PHF3: variants seen among roughly 807,000 people sequenced by gnomAD.
The protein encoded by PHF3 is PHD finger protein 3.
In PHF3, 41 loss-of-function variants were observed where a neutral mutation model predicts 178.4. That is an observed-to-expected ratio of 0.23 (90% CI 0.18 to 0.30). PHF3 has a LOEUF of 0.30. Ranked by LOEUF, PHF3 falls within the 10% of genes least tolerant of loss-of-function variation. PHF3 has a pLI of 1.00. For synonymous variants in PHF3, 842 were observed against 800.5 expected, an observed-to-expected ratio of 1.05 and a Z score of -0.88; for missense variants, 2,346 against 2,398.1, an observed-to-expected ratio of 0.98 and a Z score of 0.45.
rs566496398 is a variant in PHF3 at position 63,636,075 on chromosome 6, C to G, written c.-101C>G. 1 of 393,074 alleles carries G rather than the reference C, an allele frequency of 2.5e-6. No individual in the cohort carries two copies. Among genetic ancestry groups the G allele is most frequent in the African/African-American group, 2.1e-5 (1 of 48,474 alleles). 24.3% of individuals were successfully genotyped at this position (393,074 alleles called of 1,614,324 possible). ...TCCGCGGCACCCACCGGGCCCCCTC[C>G]TCCTCCTCTTCGGCGGCGGCAGCGT... On this transcript the variant is annotated 5_prime_UTR_variant, in exon 1 of 16. Coordinates refer to ENST00000262043, the MANE Select transcript of PHF3 (RefSeq NM_001370348.2).
intron 13 of PHF3, 119 bp downstream of exon 13, chr6:63,706,995 A>G (rs1241151210): frequency 1.6e-5 from 13 of 831,024 alleles, no homozygotes; most frequent in Non-Finnish European, 2.5e-5. Context: ...TGATTTTTAA[A>G]CAGTCCAAGT....
rs766099563 is a variant in PHF3, at chr6:63,706,048, A to G, written c.3387A>G (p.Val1129=). The change falls in exon 12 of 16, where the codon GTA becomes GTG. Residue 1129 remains valine, a synonymous_variant. Coordinates refer to ENST00000262043, the MANE Select transcript of PHF3 (RefSeq NM_001370348.2). ...KICIGRMAPP[V]DDLSPKKVKV... is the part of the protein sequence containing the mutation. ...GCTTAGGTCGAATGGCACCACCTGT[A>G]GATGATCTTTCTCCAAAAAAAGTAA... 2.5e-6 allele frequency: 4 copies of G among 1,613,054 alleles called. No homozygotes were observed. The highest frequency in any genetic ancestry group is 3.4e-6 in the Non-Finnish European group (4 of 1,179,734).
At position 63,711,199 on chromosome 6, in the gene PHF3, TGAA is replaced by T. The variant is rs1008343193; in HGVS notation, c.3840_3842del (p.Glu1280del). ...GTGTGGTTCGCTTCACACCAGTAAC[TGAA>T]GAAGATCAAATTTCTTATACTTTGC... On this transcript the variant is annotated inframe_deletion, in exon 15 of 16. Transcript: ENST00000262043. 1.2e-6 allele frequency: 2 copies of T among 1,608,668 alleles called. No individual in the cohort carries two copies. Among genetic ancestry groups the T allele is most frequent in the East Asian group, 2.2e-5 (1 of 44,802 alleles).
At chr6:63,711,126 G>C (rs762589204) in intron 14 of PHF3, 41 bp from the exon 15 acceptor site, 80 of 1,433,438 alleles carry the variant, frequency 5.6e-5, no homozygotes, top group Admixed American at 2.9e-4. Flanking sequence ...CTACTCTTTA[G>C]CTTATTACCT....
At chr6:63,690,574 T>G (rs996121044) in intron 4 of PHF3, among the ~76,000 whole-genome samples, 3 of 152,146 alleles carry the variant, frequency 2.0e-5, no homozygotes, top group Non-Finnish European at 4.4e-5. Context: ...TCCTCTCTCT[T>G]GGATTACAGC....
chr6:63,647,200 G>T (rs79672770), intron 2 of PHF3, among the ~76,000 whole-genome samples: 35 of 152,098 alleles, frequency 2.3e-4, no homozygotes, highest in African/African-American at 7.7e-4. Context: ...GGAGTCGGGG[G>T]ATGGCTGAAT....
intron 2 of PHF3, among the ~76,000 whole-genome samples, chr6:63,666,742 C>G (rs1304713987): frequency 3.3e-5 from 5 of 151,288 alleles, no homozygotes; most frequent in Admixed American, 6.6e-5. Flanking sequence ...ATACAGACAT[C>G]ATTGTCCCCC....
chr6:63,675,493 T>A (rs1766125436), intron 2 of PHF3, among the ~76,000 whole-genome samples: 1 of 152,152 alleles, frequency 6.6e-6, no homozygotes, highest in Non-Finnish European at 1.5e-5. Flanking sequence ...CTGGAGGTGC[T>A]TCTGTTGTTG....
Position 63,723,878 on chromosome 6 carries a change from A to C in PHF3, c.*10170A>C, listed in dbSNP as rs1050936736. On this transcript the variant is annotated 3_prime_UTR_variant, in exon 16 of 16. Transcript: ENST00000262043. ...GCTCTGTCCCCCAAGCTGGAGTGCA[A>C]TGGTGCAATCTCGGCTCACTGCAAC... 6.0e-5 allele frequency among the ~76,000 whole-genome samples: 9 copies of C among 151,004 alleles called. No individual in the cohort carries two copies. The South Asian group carries it at 8.4e-4, about 14-fold the overall frequency.
intron 3 of PHF3, among the ~76,000 whole-genome samples, chr6:63,681,836 T>G (rs558524119): frequency 3.3e-5 from 5 of 152,228 alleles, no homozygotes; most frequent in African/African-American, 1.2e-4. Context: ...TGTTTAAGGG[T>G]AGGGAACTAA....
At position 63,703,527 on chromosome 6, in the gene PHF3, T is replaced by G. The variant is rs1412962267; in HGVS notation, c.3232-9T>G. The G allele has an allele frequency of 1.3e-6, 2 of 1,597,992 alleles. No individual in the cohort carries two copies. On this transcript the variant is annotated splice_polypyrimidine_tract_variant and intron_variant, in intron 10 of 15. Transcript: ENST00000262043. ...AGCTAAAACTAATTTTTACTTTGACTTACGTTAGGAACCAGCCGCCAATAA... is the reference window on the plus strand; with the variant it reads ...AGCTAAAACTAATTTTTACTTTGACGTACGTTAGGAACCAGCCGCCAATAA...
In PHF3 at chr6:63,713,495, A is replaced by G. The variant is rs1400351365; in HGVS notation, c.5907A>G (p.Lys1969=). 3.7e-6 allele frequency: 6 copies of G among 1,613,720 alleles called. No homozygotes were observed. Among genetic ancestry groups the G allele is most frequent in the East Asian group, 2.2e-5 (1 of 44,810 alleles). The part of the protein sequence containing the change: ...RKSREEGHKD[K]ERARLSHGDR... ...GCAGGGAGGAAGGGCACAAAGATAA[A>G]GAGAGGGCACGGTTATCACATGGTG... Residue 1969 remains lysine, a synonymous_variant, in exon 16 of 16, where the codon AAA becomes AAG. Transcript: ENST00000262043.
chr6:63,714,579 A>G lies in PHF3; in HGVS notation c.*871A>G, dbSNP rs1257784477. On this transcript the variant is annotated 3_prime_UTR_variant, in exon 16 of 16. Transcript: ENST00000262043. ...ATAGAAATAGCTATCTATGTCAGGC[A>G]TTAGATGAGGGGAAAAACAATTTTT... 2 of 152,530 alleles carry G rather than the reference A, an allele frequency of 1.3e-5. No homozygotes were observed. The highest frequency in any genetic ancestry group is 1.5e-5 in the Non-Finnish European group (1 of 67,998). 9.4% of individuals were successfully genotyped at this position (152,530 alleles called of 1,614,324 possible).
At chr6:63,709,582 A>AG (rs1582121444) in intron 14 of PHF3, among the ~76,000 whole-genome samples, 1 of 152,336 alleles carries the variant, frequency 6.6e-6, no homozygotes, top group East Asian at 1.9e-4. Flanking sequence ...ATTGCAAAAA[A>AG]GAGAATCTAA....
intron 2 of PHF3, among the ~76,000 whole-genome samples, chr6:63,673,867 G>A (rs1222037187): frequency 2.0e-5 from 3 of 152,154 alleles, no homozygotes; most frequent in Non-Finnish European, 4.4e-5. Flanking sequence ...GTTGACAGGA[G>A]CCAAGTATTT....
At chr6:63,651,572 G>T (rs1333219532) in intron 2 of PHF3, among the ~76,000 whole-genome samples, 2 of 152,132 alleles carry the variant, frequency 1.3e-5, no homozygotes, top group African/African-American at 2.4e-5. Flanking sequence ...ATGTTGACCA[G>T]GCTGGTCTTG....
intron 13 of PHF3, among the ~76,000 whole-genome samples, chr6:63,707,930 G>C (rs1358632982): frequency 6.6e-6 from 1 of 151,938 alleles, no homozygotes; most frequent in East Asian, 1.9e-4. Flanking sequence ...GCAGTGGCGT[G>C]ATCTTGGCTT....
chr6:63,645,137 C>T (rs1444731752), intron 1 of PHF3, among the ~76,000 whole-genome samples: 1 of 151,946 alleles, frequency 6.6e-6, no homozygotes, highest in Non-Finnish European at 1.5e-5. Flanking sequence ...GCCCACTTCC[C>T]GAAGTGCTAG....
At chr6:63,648,440 T>TA (rs1345982890) in intron 2 of PHF3, among the ~76,000 whole-genome samples, 18 of 152,182 alleles carry the variant, frequency 1.2e-4, no homozygotes, top group Admixed American at 2.0e-4. Context: ...AGGGTGGTTA[T>TA]ATTGGATGTG....
Sources: allele counts gnomAD v4.1 joint callset (sites outside exome capture counted in the v4.1 genomes callset), GRCh38; gene constraint gnomAD v4.1.1; transcripts MANE v1.5; gene names NCBI Gene and HGNC (gene_info 2026-07-23, HGNC 2026-07-21).